The following SHISA6 variants were observed in gnomAD, a reference collection of about 807,000 sequenced individuals.
SHISA6 encodes the protein shisa family member 6, also known as protein shisa-6.
In SHISA6, 22 loss-of-function variants were observed where a neutral mutation model predicts 47.9. The ratio of observed to expected loss-of-function variants is 0.46; its 90% CI spans 0.33 to 0.66. The LOEUF (loss-of-function observed/expected upper bound fraction) is 0.66, where lower values mean the gene tolerates loss of function less well. SHISA6 is among the 30% of genes least tolerant of loss of function. The probability of loss-of-function intolerance (pLI) is 0.02; values close to 1 mark genes in which losing one functional copy is unlikely to be tolerated. For missense variants in SHISA6, 680 were observed against 764.6 expected, an observed-to-expected ratio of 0.89 and a Z score of 1.30; for synonymous variants, 388 against 337.8, an observed-to-expected ratio of 1.15 and a Z score of -1.63.
chr17:11,390,614 A>G (rs1913351805), intron 3 of SHISA6, among the ~76,000 whole-genome samples: 1 of 152,122 alleles, frequency 6.6e-6, no homozygotes, highest in Non-Finnish European at 1.5e-5. Flanking sequence ...ATTTTTTTTT[A>G]ATTTCAGTGA....
intron 3 of SHISA6, chr17:11,380,508 C>G (rs1912973512): frequency 6.6e-6 from 1 of 152,118 alleles, no homozygotes; most frequent in South Asian, 2.1e-4. Context: ...AAACTGAGAC[C>G]AGCTATCTCC....
chr17:11,387,329 A>C (rs1913229818), intron 3 of SHISA6, among the ~76,000 whole-genome samples: 1 of 152,096 alleles, frequency 6.6e-6, no homozygotes, highest in African/African-American at 2.4e-5. Context: ...GGGTGAGTGC[A>C]TTGGAGCAGG....
At chr17:11,504,644 A>G (rs983282019) in intron 3 of SHISA6, among the ~76,000 whole-genome samples, 1 of 152,204 alleles carries the variant, frequency 6.6e-6, no homozygotes, top group African/African-American at 2.4e-5. Context: ...GTTTATTTAC[A>G]ACTTAATCCA....
intron 3 of SHISA6, among the ~76,000 whole-genome samples, chr17:11,526,110 A>AC (rs11393269): frequency 0.033 from 4,914 of 146,758 alleles, 296 homozygotes; most frequent in African/African-American, 0.11. Flanking sequence ...TACCAAGGGG[A>AC]CCCCCCCCCG....
intron 2 of SHISA6, among the ~76,000 whole-genome samples, chr17:11,273,261 A>G (rs1908750160): frequency 6.6e-6 from 1 of 152,232 alleles, no homozygotes; most frequent in African/African-American, 2.4e-5. Flanking sequence ...CCTGAGGTCA[A>G]ATTGACCAGA....
intron 3 of SHISA6, among the ~76,000 whole-genome samples, chr17:11,463,556 C>T (rs1229369248): frequency 6.6e-6 from 1 of 152,140 alleles, no homozygotes; most frequent in East Asian, 1.9e-4. Flanking sequence ...TTTTGCTGTC[C>T]TTTATTACAT....
chr17:11,362,698 A>G (rs904093279), intron 2 of SHISA6, among the ~76,000 whole-genome samples: 1 of 152,216 alleles, frequency 6.6e-6, no homozygotes, highest in African/African-American at 2.4e-5. Flanking sequence ...AATACATCTT[A>G]TGTAAGACTG....
At chr17:11,432,343 A>C (rs1221060561) in intron 3 of SHISA6, among the ~76,000 whole-genome samples, 1 of 152,208 alleles carries the variant, frequency 6.6e-6, no homozygotes, top group Non-Finnish European at 1.5e-5. Flanking sequence ...AAAACGCTCA[A>C]TTATCTGTAA....
chr17:11,400,281 C>G (rs1913721360), intron 3 of SHISA6, among the ~76,000 whole-genome samples: 2 of 152,216 alleles, frequency 1.3e-5, no homozygotes, highest in African/African-American at 4.8e-5. Context: ...TTTCTGCCAT[C>G]TCTCAAACCC....
intron 2 of SHISA6, among the ~76,000 whole-genome samples, chr17:11,357,651 T>G (rs544649220): frequency 2.0e-5 from 3 of 152,390 alleles, no homozygotes; most frequent in African/African-American, 4.8e-5. Context: ...AGTGACTGTG[T>G]GGCATCTACC....
intron 3 of SHISA6, among the ~76,000 whole-genome samples, chr17:11,382,290 G>A (rs1913037561): frequency 2.6e-5 from 4 of 152,076 alleles, no homozygotes; most frequent in Admixed American, 1.3e-4. Flanking sequence ...TGTTGCCCAG[G>A]CTGGTCTCAA....
intron 2 of SHISA6, among the ~76,000 whole-genome samples, chr17:11,269,496 C>T (rs1407726415): frequency 6.6e-6 from 1 of 152,150 alleles, no homozygotes; most frequent in African/African-American, 2.4e-5. Flanking sequence ...TCTTTCCACC[C>T]TGCTAAGAAA....
intron 1 of SHISA6, among the ~76,000 whole-genome samples, chr17:11,249,686 G>A (rs948128761): frequency 2.6e-5 from 4 of 152,130 alleles, no homozygotes; most frequent in Non-Finnish European, 5.9e-5. Context: ...TACATTGAGA[G>A]CCCATGGCAT....
intron 2 of SHISA6, among the ~76,000 whole-genome samples, chr17:11,311,023 C>T (rs552748813): frequency 2.1e-5 from 3 of 145,418 alleles, no homozygotes; most frequent in African/African-American, 5.1e-5. Context: ...AGGAGAATGG[C>T]GTGAACCCAG....
chr17:11,300,446 C>T (rs1017565707), intron 2 of SHISA6, among the ~76,000 whole-genome samples: 8 of 152,170 alleles, frequency 5.3e-5, no homozygotes, highest in African/African-American at 1.9e-4. Flanking sequence ...TAGAATCCTT[C>T]TCAACACTGT....
intron 3 of SHISA6, among the ~76,000 whole-genome samples, chr17:11,382,279 A>G (rs141591577): frequency 0.011 from 1,612 of 151,918 alleles, 37 homozygotes; most frequent in African/African-American, 0.036. Flanking sequence ...GGGTCTCACT[A>G]TGTTGCCCAG....
chr17:11,299,770 C>T (rs971015434), intron 2 of SHISA6, among the ~76,000 whole-genome samples: 1 of 152,150 alleles, frequency 6.6e-6, no homozygotes, highest in African/African-American at 2.4e-5. Context: ...CCGTGTGGGC[C>T]TACCCACACA....
At chr17:11,416,449 C>A (rs180763307) in intron 3 of SHISA6, among the ~76,000 whole-genome samples, 1 of 152,220 alleles carries the variant, frequency 6.6e-6, no homozygotes, top group Non-Finnish European at 1.5e-5. Flanking sequence ...CATCTCATCT[C>A]ATAGTTGTTG....
chr17:11,431,517 G>A (rs1396708859), intron 3 of SHISA6, among the ~76,000 whole-genome samples: 1 of 152,198 alleles, frequency 6.6e-6, no homozygotes, highest in Non-Finnish European at 1.5e-5. Context: ...CCTTCTAGAG[G>A]AAATGATATT....
Sources: gnomAD v4.1 joint callset for allele counts (sites outside exome capture counted in the v4.1 genomes callset) on GRCh38, gnomAD v4.1.1 for gene constraint, MANE v1.5 for transcripts, NCBI Gene and HGNC (gene_info 2026-07-23, HGNC 2026-07-21) for gene names.